Variants in SIM1 observed in about 807,000 individuals in gnomAD.
SIM1 encodes the protein SIM bHLH transcription factor 1.
SIM1 carries 18 observed loss-of-function variants against 78.2 expected under a neutral mutation model. The observed-to-expected ratio is 0.23, with a 90% CI of 0.16 to 0.34. SIM1 has a LOEUF of 0.34. SIM1 is among the 10% of genes least tolerant of loss of function. The pLI, the probability that SIM1 is intolerant of heterozygous loss-of-function variation, is 1.00. For synonymous variants in SIM1, 417 were observed against 385.2 expected (o/e 1.08, Z -0.97); for missense variants, 939 against 975.1 (o/e 0.96, Z 0.49).
intron 10 of SIM1, among the ~76,000 whole-genome samples, chr6:100,410,550 A>T (rs1443749510): frequency 1.3e-5 from 2 of 152,196 alleles, no homozygotes. Context: ...TGATGGGTGG[A>T]TAGGATTTGA....
chr6:100,455,173 T>A (rs1772614277), intron 2 of SIM1, among the ~76,000 whole-genome samples: 1 of 152,206 alleles, frequency 6.6e-6, no homozygotes, highest in Non-Finnish European at 1.5e-5. Context: ...GGAGGAACCG[T>A]GAGCGCCCCT....
At chr6:100,405,954 C>T (rs1350543023) in intron 10 of SIM1, among the ~76,000 whole-genome samples, 1 of 152,198 alleles carries the variant, frequency 6.6e-6, no homozygotes, top group Non-Finnish European at 1.5e-5. Context: ...ATGAAATCTA[C>T]AATCCATCCC....
intron 9 of SIM1, among the ~76,000 whole-genome samples, chr6:100,439,680 C>T (rs1768816768): frequency 6.6e-6 from 1 of 152,170 alleles, no homozygotes; most frequent in Non-Finnish European, 1.5e-5. Context: ...GTGTTTTATG[C>T]ACATTAAATT....
At chr6:100,396,772 C>T (rs142487718) in intron 10 of SIM1, among the ~76,000 whole-genome samples, 54 of 152,210 alleles carry the variant, frequency 3.5e-4, no homozygotes, top group African/African-American at 1.2e-3. Flanking sequence ...ACACTACAGC[C>T]GCATTACTTG....
At chr6:100,448,085 C>A in intron 8 of SIM1, 61 bp downstream of exon 8, 4 of 1,376,430 alleles carry the variant, frequency 2.9e-6, no homozygotes, top group Non-Finnish European at 4.0e-6. Context: ...CGTGGCTCCC[C>A]CACCCCCTAA....
intron 9 of SIM1, among the ~76,000 whole-genome samples, chr6:100,430,178 G>A (rs1771865380): frequency 6.6e-6 from 1 of 152,196 alleles, no homozygotes; most frequent in Non-Finnish European, 1.5e-5. Context: ...AAACCCTAAT[G>A]TGGGGGCCAC....
intron 10 of SIM1, 45 bp downstream of exon 10, chr6:100,420,745 C>T (rs960293305): frequency 6.3e-7 from 1 of 1,582,232 alleles, no homozygotes; most frequent in African/African-American, 1.3e-5. Flanking sequence ...AAGTTCAAAC[C>T]ATGTCGCCAA....
chr6:100,445,852 G>A (rs1415683567), intron 9 of SIM1, among the ~76,000 whole-genome samples: 2 of 152,004 alleles, frequency 1.3e-5, no homozygotes, highest in Non-Finnish European at 2.9e-5. Context: ...TTCACGGAGG[G>A]GGCTATTTTA....
At chr6:100,445,194 T>C (rs1482297413) in intron 9 of SIM1, among the ~76,000 whole-genome samples, 2 of 152,196 alleles carry the variant, frequency 1.3e-5, no homozygotes, top group Non-Finnish European at 2.9e-5. Context: ...GAAAATCCTG[T>C]CAACACACAC....
intron 2 of SIM1, chr6:100,463,056 C>A: frequency 2.3e-6 from 1 of 430,652 alleles, no homozygotes; most frequent in Non-Finnish European, 4.1e-6. Context: ...GCTTCCCAAC[C>A]AAACATATCT....
intron 2 of SIM1, among the ~76,000 whole-genome samples, chr6:100,461,541 T>C (rs1043492217): frequency 1.3e-5 from 2 of 152,164 alleles, no homozygotes; most frequent in Non-Finnish European, 2.9e-5. Context: ...TCGGCACCAA[T>C]AATTGACGAG....
At chr6:100,454,721 C>G (rs2114549374) in intron 2 of SIM1, among the ~76,000 whole-genome samples, 1 of 152,290 alleles carries the variant, frequency 6.6e-6, no homozygotes, top group South Asian at 2.1e-4. Context: ...TTGCCGCAAA[C>G]TTTCTCTGGT....
At chr6:100,399,952 T>C (rs1770865199) in intron 10 of SIM1, among the ~76,000 whole-genome samples, 1 of 151,754 alleles carries the variant, frequency 6.6e-6, no homozygotes, top group Admixed American at 6.6e-5. Context: ...AACCAAGAGT[T>C]TGGATTATAA....
chr6:100,422,536 A>G (rs1036257135), intron 9 of SIM1, among the ~76,000 whole-genome samples: 1 of 152,208 alleles, frequency 6.6e-6, no homozygotes, highest in Non-Finnish European at 1.5e-5. Flanking sequence ...TCATATATGT[A>G]AAAGTGACTG....
chr6:100,436,662 G>C (rs1269559355), intron 9 of SIM1, among the ~76,000 whole-genome samples: 2 of 152,066 alleles, frequency 1.3e-5, no homozygotes, highest in Non-Finnish European at 2.9e-5. Flanking sequence ...CTATGAGGTA[G>C]AACCCATTAT....
intron 8 of SIM1, among the ~76,000 whole-genome samples, chr6:100,447,926 A>G (rs1020401774): frequency 1.3e-5 from 2 of 152,262 alleles, no homozygotes; most frequent in African/African-American, 4.8e-5. Flanking sequence ...TATTTCGCCC[A>G]GAAATGCTTC....
Position 100,393,701 on chromosome 6 carries a change from G to A in SIM1, c.1356C>T (p.Asp452=). 6.2e-7 allele frequency: 1 copy of A among 1,614,168 alleles called. No individual in the cohort carries two copies. The highest frequency in any genetic ancestry group is 1.1e-5 in the South Asian group (1 of 91,074). The change falls in exon 11 of 12, where the codon GAC becomes GAT. Residue 452 remains aspartate, a synonymous_variant. Transcript: ENST00000369208. ...RSSLCYGFAL[D]HSRLVEERHF... ...GCCTCTCTTCCACCAGCCTCGAGTG[G>A]TCAAGCGCAAAGCCATAGCAGAGAG...
chr6:100,424,585 A>G (rs959040648), intron 9 of SIM1, among the ~76,000 whole-genome samples: 1 of 150,836 alleles, frequency 6.6e-6, no homozygotes, highest in African/African-American at 2.4e-5. Context: ...ACAGGCATGC[A>G]CCACCATGCT....
At chr6:100,405,024 T>C (rs1005788363) in intron 10 of SIM1, among the ~76,000 whole-genome samples, 4 of 152,032 alleles carry the variant, frequency 2.6e-5, no homozygotes, top group African/African-American at 9.7e-5. Flanking sequence ...CTACAAATAA[T>C]AGAAATTTTT....
Sources: allele counts gnomAD v4.1 joint callset (sites outside exome capture counted in the v4.1 genomes callset), GRCh38; gene constraint gnomAD v4.1.1; transcripts MANE v1.5; gene names NCBI Gene and HGNC (gene_info 2026-07-23, HGNC 2026-07-21).